LASP1: variants seen among roughly 807,000 people sequenced by gnomAD.
The protein encoded by LASP1 is LIM and SH3 domain protein 1.
LASP1 carries 10 observed loss-of-function variants against 38.6 expected under a neutral mutation model. The ratio of observed to expected loss-of-function variants is 0.26; its 90% CI spans 0.16 to 0.44. LASP1 has a LOEUF of 0.44. LASP1 is among the 20% of genes least tolerant of loss of function. The pLI is 1.00. For missense variants in LASP1, 243 were observed against 375.7 expected, an observed-to-expected ratio of 0.65 and a Z score of 2.92; for synonymous variants, 132 against 140.8, an observed-to-expected ratio of 0.94 and a Z score of 0.44.
intron 2 of LASP1, among the ~76,000 whole-genome samples, chr17:38,884,547 C>T (rs1262130843): frequency 5.9e-5 from 9 of 151,880 alleles, no homozygotes; most frequent in African/African-American, 2.2e-4. Flanking sequence ...GCTACCATGC[C>T]TGGCTAATTT....
chr17:38,880,957 G>C (rs1382350516), intron 2 of LASP1, among the ~76,000 whole-genome samples: 1 of 152,128 alleles, frequency 6.6e-6, no homozygotes, highest in African/African-American at 2.4e-5. Flanking sequence ...ACAAACATTA[G>C]CCAGATGTGG....
chr17:38,894,087 A>G (rs1914417797), intron 3 of LASP1, among the ~76,000 whole-genome samples: 2 of 152,074 alleles, frequency 1.3e-5, no homozygotes, highest in Admixed American at 1.3e-4. Context: ...CTGTCCAGAA[A>G]TGACCCTCTC....
At chr17:38,883,717 C>G (rs1351449191) in intron 2 of LASP1, among the ~76,000 whole-genome samples, 1 of 145,532 alleles carries the variant, frequency 6.9e-6, no homozygotes, top group East Asian at 2.0e-4. Context: ...TGTTTCTCTT[C>G]TATATTACCG....
At chr17:38,914,974 C>T (rs1378036595) in intron 5 of LASP1, 69 bp from the exon 6 acceptor site, 3 of 1,475,914 alleles carry the variant, frequency 2.0e-6, no homozygotes, top group South Asian at 2.3e-5. Context: ...GTATGGACTT[C>T]TCGGGAGCTC....
intron 2 of LASP1, among the ~76,000 whole-genome samples, chr17:38,882,029 A>AC (rs1913967848): frequency 6.6e-6 from 1 of 152,012 alleles, no homozygotes; most frequent in South Asian, 2.1e-4. Flanking sequence ...GGTGTGGCGG[A>AC]CCCCCACATG....
chr17:38,908,604 C>T (rs888200600), intron 4 of LASP1, among the ~76,000 whole-genome samples: 3 of 152,328 alleles, frequency 2.0e-5, no homozygotes, highest in Non-Finnish European at 4.4e-5. Flanking sequence ...CTTGCTCTGG[C>T]CTGAAGGGAG....
chr17:38,898,406 C>G lies in LASP1; in HGVS notation c.250-6C>G. 1.3e-6 allele frequency: 2 copies of G among 1,543,724 alleles called. No homozygotes were observed. The highest frequency in any genetic ancestry group is 8.8e-7 in the Non-Finnish European group (1 of 1,140,740). On this transcript the variant is annotated splice_region_variant and splice_polypyrimidine_tract_variant and intron_variant, in intron 3 of 6. Coordinates refer to ENST00000318008, the MANE Select transcript of LASP1 (RefSeq NM_006148.4). ...GACTCCAATCCCTCTTCCTCCCCTC[C>G]TGCAGGTGCGCTACAAGGAGGAGTT... is the stretch of plus-strand genomic sequence containing the variant.
In LASP1 at chr17:38,870,206, C is replaced by T; in HGVS notation, c.17C>T (p.Ala6Val). The T allele has an allele frequency of 6.2e-7, 1 of 1,613,956 alleles. No homozygotes were observed. The highest frequency in any genetic ancestry group is 8.5e-7 in the Non-Finnish European group (1 of 1,179,902). MNPNC[A>V]RCGKIVYPTE... ...CTCGGAACCATGAACCCCAACTGCG[C>T]CCGGTGCGGCAAGATCGTGTATCCC... The change falls in exon 1 of 7, where the codon GCC (alanine) becomes GTC (valine). Residue 6 changes from alanine to valine, a missense_variant. Ala to Val is a moderately conservative substitution (Grantham distance 64). This residue lies in a region of LASP1 where 43 missense variants were observed against 108.3 expected (regional missense o/e 0.40). Coordinates refer to ENST00000318008, the MANE Select transcript of LASP1 (RefSeq NM_006148.4).
In LASP1 at chr17:38,898,696, C is replaced by A. The variant is rs756934383; in HGVS notation, c.357+177C>A. 4.8e-5 allele frequency: 32 copies of A among 671,196 alleles called. No individual in the cohort carries two copies. In the East Asian group the frequency reaches 5.7e-4, roughly 12 times the overall value. 41.6% of individuals were successfully genotyped at this position (671,196 alleles called of 1,614,324 possible). On this transcript the variant is annotated intron_variant, in intron 4 of 6. Transcript: ENST00000318008. ...TTCCCAGATGCCTCTTCTCTGTGTA[C>A]CCCCAGACCACCAGCACGCATAGCA...
rs1338240925 is a variant in LASP1 at position 38,918,698 on chromosome 17, G to A, written c.706G>A (p.Asp236Asn). The change falls in exon 7 of 7, where the codon GAC becomes AAC. Residue 236 changes from aspartate (D) to asparagine (N), a missense_variant. This residue lies in a region of LASP1 where 165 missense variants were observed against 210.3 expected (regional missense o/e 0.78). Coordinates refer to ENST00000318008, the MANE Select transcript of LASP1 (RefSeq NM_006148.4). This position sits in a 1 kb window ranked among gnomAD's most constrained non-coding sequence, Gnocchi z 4.4. ...GDTIVNVQQI[D>N]DGWMYGTVER... ...CACCATCGTCAACGTGCAGCAGATC[G>A]ACGACGGCTGGATGTACGGGACGGT... is the stretch of plus-strand genomic sequence containing the variant. 1.9e-6 allele frequency: 3 copies of A among 1,613,990 alleles called. No homozygotes were observed. The highest frequency in any genetic ancestry group is 2.5e-6 in the Non-Finnish European group (3 of 1,179,992).
intron 1 of LASP1, among the ~76,000 whole-genome samples, chr17:38,871,700 GAT>G (rs1913613667): frequency 6.6e-6 from 1 of 152,100 alleles, no homozygotes; most frequent in African/African-American, 2.4e-5. Flanking sequence ...GGTTCTGAAA[GAT>G]ATTTGAACTT....
intron 1 of LASP1, among the ~76,000 whole-genome samples, chr17:38,876,602 A>G (rs1913784622): frequency 1.3e-5 from 2 of 151,862 alleles, no homozygotes; most frequent in African/African-American, 2.4e-5. Context: ...AACCTCCAGT[A>G]ATCCGCCTGC....
intron 4 of LASP1, among the ~76,000 whole-genome samples, chr17:38,913,175 G>A (rs774407910): frequency 2.5e-4 from 38 of 152,202 alleles, no homozygotes; most frequent in Non-Finnish European, 4.9e-4. Context: ...GTCAAGGTGG[G>A]GGACTCTGTA....
chr17:38,919,825 G>T lies in LASP1; in HGVS notation c.*1047G>T. ...CCACTAAATCTCCAAGACCTGGTGT[G>T]CGGAGGCAGGAGCATGTATGTCTGC... On this transcript the variant is annotated 3_prime_UTR_variant, in exon 7 of 7. Transcript: ENST00000318008. 1 of 446,734 alleles carries T rather than the reference G, an allele frequency of 2.2e-6. No homozygotes were observed. The highest frequency in any genetic ancestry group is 4.3e-6 in the Non-Finnish European group (1 of 231,788). 27.7% of individuals were successfully genotyped at this position (446,734 alleles called of 1,614,324 possible).
chr17:38,917,002 C>T (rs1404632621), intron 6 of LASP1, among the ~76,000 whole-genome samples: 1 of 152,078 alleles, frequency 6.6e-6, no homozygotes, highest in Non-Finnish European at 1.5e-5. Context: ...CAGCAGGAAG[C>T]CCGAATTGAC....
intron 4 of LASP1, among the ~76,000 whole-genome samples, chr17:38,909,879 C>G (rs1598119796): frequency 1.3e-5 from 2 of 152,238 alleles, no homozygotes; most frequent in Non-Finnish European, 2.9e-5. Flanking sequence ...TCCCAAGTAG[C>G]TGGGATTACA....
chr17:38,914,137 A>C (rs559696914), intron 4 of LASP1, among the ~76,000 whole-genome samples, 188 bp from the exon 5 acceptor site: 4 of 152,302 alleles, frequency 2.6e-5, no homozygotes, highest in Admixed American at 2.6e-4. Flanking sequence ...TGCAGAGGTG[A>C]AAACTGAGGC....
At chr17:38,897,010 C>T in intron 3 of LASP1, 1 of 985,506 alleles carries the variant, frequency 1.0e-6, no homozygotes, top group Non-Finnish European at 1.2e-6. Context: ...CCCAAAGGGC[C>T]TCCCACTAAG....
chr17:38,898,963 C>T (rs1415304576), intron 4 of LASP1: 1 of 356,774 alleles, frequency 2.8e-6, no homozygotes, highest in South Asian at 2.1e-5. Context: ...TCAGCCTGCT[C>T]TTCCTTCCTG....
Sources: gnomAD v4.1 joint callset for allele counts (sites outside exome capture counted in the v4.1 genomes callset) on GRCh38, gnomAD v4.1.1 for gene constraint, gnomAD v4.1.1 regional missense constraint, Gnocchi (gnomAD v3.1) non-coding constraint, MANE v1.5 for transcripts, NCBI Gene and HGNC (gene_info 2026-07-23, HGNC 2026-07-21) for gene names.